Variants in TRIM44 observed in about 807,000 individuals in gnomAD.
TRIM44 encodes the protein tripartite motif containing 44, also known as tripartite motif-containing protein 44.
In TRIM44, 13 loss-of-function variants were observed where a neutral mutation model predicts 37.4. The observed-to-expected ratio is 0.35, with a 90% CI of 0.23 to 0.55. The LOEUF is 0.55. Ranked by LOEUF, TRIM44 falls within the 20% of genes least tolerant of loss-of-function variation. The pLI is 0.89. For synonymous variants in TRIM44, 175 were observed against 157.2 expected, an observed-to-expected ratio of 1.11 and a Z score of -0.85; for missense variants, 426 against 437.2, an observed-to-expected ratio of 0.97 and a Z score of 0.23.
At chr11:35,706,317 G>A (rs1192381969) in intron 2 of TRIM44, among the ~76,000 whole-genome samples, 2 of 151,878 alleles carry the variant, frequency 1.3e-5, no homozygotes, top group African/African-American at 2.4e-5. Flanking sequence ...ATTCACAGCC[G>A]AATTCTACCA....
Position 35,684,286 on chromosome 11 carries a change from G to C in TRIM44, c.670-973G>C, listed in dbSNP as rs11828457. Among the ~76,000 whole-genome samples, 10 of 152,220 alleles carry C rather than the reference G, an allele frequency of 6.6e-5. No individual in the cohort carries two copies. The East Asian group carries it at 1.5e-3, about 23-fold the overall frequency. Reference sequence around the variant, plus strand: ...TAAAAAAAAATCTCATGTTGAAATTGCATGTTGTAATGATATTTTGAATAT... The same window carrying C: ...TAAAAAAAAATCTCATGTTGAAATTCCATGTTGTAATGATATTTTGAATAT... On this transcript the variant is annotated intron_variant, in intron 1 of 4. Coordinates refer to ENST00000299413, the MANE Select transcript of TRIM44 (RefSeq NM_017583.6).
At chr11:35,771,990 G>C (rs940720694) in intron 4 of TRIM44, among the ~76,000 whole-genome samples, 1 of 152,104 alleles carries the variant, frequency 6.6e-6, no homozygotes, top group Non-Finnish European at 1.5e-5. Flanking sequence ...GGTTTCCTTG[G>C]TCAGCCCAGT....
In TRIM44 at chr11:35,745,351, C is replaced by T. The variant is rs980959728; in HGVS notation, c.1007+9906C>T. Among the ~76,000 whole-genome samples, 8 of 152,162 alleles carry T rather than the reference C, an allele frequency of 5.3e-5. 1 individual carries two copies. Among genetic ancestry groups the T allele is most frequent in the Admixed American group, 3.9e-4 (6 of 15,280 alleles). On this transcript the variant is annotated intron_variant, in intron 4 of 4. Transcript: ENST00000299413. ...TTGGAGAAGGGCGTATTCATGCCCA[C>T]TTTTTAATGGGGTTGTTTTTTTCTT...
intron 4 of TRIM44, among the ~76,000 whole-genome samples, chr11:35,763,736 T>C (rs1042322043): frequency 2.0e-5 from 3 of 152,356 alleles, no homozygotes; most frequent in East Asian, 1.9e-4. Flanking sequence ...TCTGCTTCTA[T>C]TGGGTTGTGT....
intron 4 of TRIM44, among the ~76,000 whole-genome samples, chr11:35,755,018 C>G (rs1231562271): frequency 6.6e-6 from 1 of 152,058 alleles, no homozygotes; most frequent in Non-Finnish European, 1.5e-5. Flanking sequence ...GGGTATATAC[C>G]CAGTAATGGG....
At chr11:35,682,097 A>G (rs1259346729) in intron 1 of TRIM44, among the ~76,000 whole-genome samples, 1 of 150,454 alleles carries the variant, frequency 6.6e-6, no homozygotes, top group African/African-American at 2.4e-5. Flanking sequence ...TAGCTGGGCT[A>G]TGTCCCATGC....
intron 4 of TRIM44, among the ~76,000 whole-genome samples, chr11:35,768,600 A>T (rs1344795856): frequency 6.6e-6 from 1 of 152,224 alleles, no homozygotes; most frequent in African/African-American, 2.4e-5. Context: ...TTATTTCAAA[A>T]ACTTTAATGG....
chr11:35,710,994 T>A (rs1288928661), intron 2 of TRIM44, among the ~76,000 whole-genome samples: 2 of 152,076 alleles, frequency 1.3e-5, no homozygotes, highest in Non-Finnish European at 2.9e-5. Flanking sequence ...AATAGGCAAA[T>A]ATATAGAGAT....
At chr11:35,674,582 AT>A (rs1269965080) in intron 1 of TRIM44, among the ~76,000 whole-genome samples, 1 of 152,244 alleles carries the variant, frequency 6.6e-6, no homozygotes, top group East Asian at 1.9e-4. Flanking sequence ...GGTTTTTAAC[AT>A]CAATAAGAAG....
At chr11:35,698,468 T>TA (rs1851738057) in intron 2 of TRIM44, among the ~76,000 whole-genome samples, 1 of 74,762 alleles carries the variant, frequency 1.3e-5, no homozygotes, top group Non-Finnish European at 2.3e-5. Flanking sequence ...CCTGACTTTT[T>TA]AAATGATCGC....
At chr11:35,756,222 T>C (rs1852636654) in intron 4 of TRIM44, among the ~76,000 whole-genome samples, 1 of 151,104 alleles carries the variant, frequency 6.6e-6, no homozygotes, top group Admixed American at 6.6e-5. Context: ...GTCCTTCACA[T>C]CCCTTGTAAG....
At position 35,808,198 on chromosome 11, in the gene TRIM44, T is replaced by G. The variant is rs1240076968; in HGVS notation, c.*1813T>G. 1.9e-5 allele frequency: 2 copies of G among 107,332 alleles called. No homozygotes were observed. Among genetic ancestry groups the G allele is most frequent in the Admixed American group, 1.2e-4 (1 of 8,530 alleles). 6.6% of individuals were successfully genotyped at this position (107,332 alleles called of 1,614,324 possible). ...CCAGGATATTGGGGCTGAGGGGAGTTTGAGGTGTTAAAAAAAAAAAAAAAA... is the reference window on the plus strand; with the variant it reads ...CCAGGATATTGGGGCTGAGGGGAGTGTGAGGTGTTAAAAAAAAAAAAAAAA... On this transcript the variant is annotated 3_prime_UTR_variant, in exon 5 of 5. Transcript: ENST00000299413.
chr11:35,750,989 A>G (rs1254323612), intron 4 of TRIM44, among the ~76,000 whole-genome samples: 1 of 152,100 alleles, frequency 6.6e-6, no homozygotes, highest in Non-Finnish European at 1.5e-5. Context: ...ATCACCATAA[A>G]TAAGTTTTAT....
chr11:35,721,717 C>T (rs1002090781), intron 2 of TRIM44, among the ~76,000 whole-genome samples: 3 of 152,190 alleles, frequency 2.0e-5, no homozygotes, highest in Non-Finnish European at 2.9e-5. Context: ...CTAACTAGGT[C>T]GCTGAGGATG....
chr11:35,663,795 T>G lies in TRIM44; in HGVS notation c.669+15T>G. On this transcript the variant is annotated intron_variant, in intron 1 of 4. Transcript: ENST00000299413. ...AAGAATTAAGAGTAAGTATTGGGCC[T>G]TCAGAGCATAAACCTAGGGGTCAGG... The G allele has an allele frequency of 6.2e-7, 1 of 1,606,548 alleles. No individual in the cohort carries two copies.
intron 2 of TRIM44, among the ~76,000 whole-genome samples, chr11:35,697,083 C>CTT (rs1055361227): frequency 6.6e-6 from 1 of 150,808 alleles, no homozygotes; most frequent in African/African-American, 2.4e-5. Flanking sequence ...TTTTATTATA[C>CTT]TTTAAATTTT....
chr11:35,739,745 AC>A (rs1227973365), intron 4 of TRIM44, among the ~76,000 whole-genome samples: 4 of 152,134 alleles, frequency 2.6e-5, no homozygotes, highest in African/African-American at 9.7e-5. Flanking sequence ...GATCCATGAT[AC>A]ACAGTCATAT....
intron 4 of TRIM44, among the ~76,000 whole-genome samples, chr11:35,754,374 G>A (rs944974068): frequency 1.3e-5 from 2 of 152,096 alleles, no homozygotes; most frequent in African/African-American, 4.8e-5. Flanking sequence ...TCACTCTAGT[G>A]CCCGACTATT....
chr11:35,783,247 A>G (rs975120763), intron 4 of TRIM44, among the ~76,000 whole-genome samples: 13 of 152,098 alleles, frequency 8.5e-5, no homozygotes, highest in African/African-American at 3.1e-4. Context: ...TTCAAACTTC[A>G]TTTCTCCAGA....
Sources: gnomAD v4.1 joint callset for allele counts (sites outside exome capture counted in the v4.1 genomes callset) on GRCh38, gnomAD v4.1.1 for gene constraint, MANE v1.5 for transcripts, NCBI Gene and HGNC (gene_info 2026-07-23, HGNC 2026-07-21) for gene names.